MACROD2: variants seen among roughly 807,000 people sequenced by gnomAD.
MACROD2 encodes ADP-ribose glycohydrolase MACROD2.
A neutral mutation model predicts 70.4 loss-of-function variants in MACROD2; 36 were observed. That is an observed-to-expected ratio of 0.51 (90% confidence interval 0.39 to 0.68). The LOEUF is 0.68. MACROD2 is among the 30% of genes least tolerant of loss of function. MACROD2 has a pLI of 0.00. For missense variants in MACROD2, 496 were observed against 538.4 expected (o/e 0.92, Z 0.78); for synonymous variants, 172 against 178.8 (o/e 0.96, Z 0.30).
At chr20:14,980,032 T>C (rs1163848118) in intron 5 of MACROD2, among the ~76,000 whole-genome samples, 1 of 152,210 alleles carries the variant, frequency 6.6e-6, no homozygotes, top group Non-Finnish European at 1.5e-5. Flanking sequence ...ATTGAGTGTT[T>C]ACCATGTTTC....
At chr20:15,715,679 A>G (rs2050697847) in intron 8 of MACROD2, among the ~76,000 whole-genome samples, 1 of 152,198 alleles carries the variant, frequency 6.6e-6, no homozygotes, top group Admixed American at 6.5e-5. Context: ...CCTCTTTATC[A>G]GCACTTCATT....
rs1197058987 is a variant in MACROD2 at position 15,696,761 on chromosome 20, T to C, written c.646-165984T>C. Reference sequence around the variant, plus strand: ...TATTGGTCTATTCAGGGTATCTAATTCTTCATGATTTAAGCTAGGAGGGTT... The same window carrying C: ...TATTGGTCTATTCAGGGTATCTAATCCTTCATGATTTAAGCTAGGAGGGTT... On this transcript the variant is annotated intron_variant, in intron 8 of 17. Transcript: ENST00000684519. Among the ~76,000 whole-genome samples the C allele has an allele frequency of 5.3e-5, 8 of 150,994 alleles. No individual in the cohort carries two copies. In the East Asian group the frequency reaches 1.6e-3, roughly 29 times the overall value.
intron 6 of MACROD2, among the ~76,000 whole-genome samples, chr20:15,264,409 T>A (rs914858617): frequency 6.6e-6 from 1 of 152,138 alleles, no homozygotes; most frequent in Admixed American, 6.6e-5. Context: ...TAGAATAAAC[T>A]TGAGAGTAGA....
chr20:15,912,689 G>A (rs919512258), intron 10 of MACROD2, among the ~76,000 whole-genome samples: 2 of 152,126 alleles, frequency 1.3e-5, no homozygotes, highest in Non-Finnish European at 2.9e-5. Context: ...TTACCAAAAG[G>A]TGCCTTCAGT....
chr20:15,943,393 T>TC (rs2065777925), intron 12 of MACROD2, among the ~76,000 whole-genome samples: 1 of 152,106 alleles, frequency 6.6e-6, no homozygotes, highest in South Asian at 2.1e-4. Flanking sequence ...GTGTTCACCA[T>TC]CCCCCACTAA....
intron 3 of MACROD2, among the ~76,000 whole-genome samples, chr20:14,398,826 A>G (rs2083607119): frequency 6.6e-6 from 1 of 152,084 alleles, no homozygotes; most frequent in African/African-American, 2.4e-5. Context: ...AGTGCTCTCC[A>G]TTCGTTTCCA....
At chr20:14,795,984 G>A (rs2072505146) in intron 5 of MACROD2, among the ~76,000 whole-genome samples, 1 of 152,018 alleles carries the variant, frequency 6.6e-6, no homozygotes, top group South Asian at 2.1e-4. Context: ...ATTAGATTTG[G>A]CCACATGGAG....
intron 3 of MACROD2, among the ~76,000 whole-genome samples, chr20:14,470,144 C>G (rs1351058447): frequency 6.6e-6 from 1 of 151,986 alleles, no homozygotes; most frequent in African/African-American, 2.4e-5. Context: ...GATGTTCATG[C>G]TATTCCTTTC....
chr20:15,420,811 T>A (rs1251255596), intron 6 of MACROD2, among the ~76,000 whole-genome samples: 1 of 152,098 alleles, frequency 6.6e-6, no homozygotes, highest in African/African-American at 2.4e-5. Context: ...TAACGCTGGA[T>A]ATGGGAGTTC....
intron 6 of MACROD2, among the ~76,000 whole-genome samples, chr20:15,319,031 C>A (rs1353243005): frequency 6.6e-6 from 1 of 152,000 alleles, no homozygotes; most frequent in Non-Finnish European, 1.5e-5. Flanking sequence ...TTTCTAATGG[C>A]AGATAACATG....
At chr20:15,333,660 A>G (rs2078017340) in intron 6 of MACROD2, among the ~76,000 whole-genome samples, 2 of 151,564 alleles carry the variant, frequency 1.3e-5, no homozygotes, top group Admixed American at 6.6e-5. Context: ...CAGTTTCCTC[A>G]TATGTACAAT....
chr20:15,754,152 T>C (rs556969325), intron 8 of MACROD2, among the ~76,000 whole-genome samples: 5 of 152,230 alleles, frequency 3.3e-5, no homozygotes, highest in South Asian at 2.1e-4. Flanking sequence ...GTAATAGATA[T>C]TTAAATGTAA....
At position 14,656,872 on chromosome 20, in the gene MACROD2, T is replaced by G. The variant is rs186744261; in HGVS notation, c.302-27971T>G. ...GGGGGAGATTTTCTGTGTGCTGTCTTGGCTTTCTTTGTTTCCTAGGCTATA... is the reference window on the plus strand; with the variant it reads ...GGGGGAGATTTTCTGTGTGCTGTCTGGGCTTTCTTTGTTTCCTAGGCTATA... On this transcript the variant is annotated intron_variant, in intron 4 of 17. Coordinates refer to ENST00000684519, the MANE Select transcript of MACROD2 (RefSeq NM_001351661.2). Among the ~76,000 whole-genome samples, 241 of 152,282 alleles carry G rather than the reference T, an allele frequency of 1.6e-3. 2 individuals are homozygous for G. Among genetic ancestry groups the G allele is most frequent in the Non-Finnish European group, 1.0e-3 (70 of 68,016 alleles).
chr20:15,768,116 G>C (rs1280940240), intron 8 of MACROD2, among the ~76,000 whole-genome samples: 2 of 150,560 alleles, frequency 1.3e-5, no homozygotes, highest in Non-Finnish European at 2.9e-5. Context: ...ATGAGGCTGT[G>C]TGTGTGTTTG....
intron 2 of MACROD2, among the ~76,000 whole-genome samples, chr20:14,017,003 T>G (rs1247899364): frequency 1.3e-5 from 2 of 152,306 alleles, no homozygotes; most frequent in East Asian, 3.9e-4. Flanking sequence ...TACTTACTTA[T>G]GTTTTCTTTA....
At chr20:14,596,636 C>T (rs1982163582) in intron 4 of MACROD2, among the ~76,000 whole-genome samples, 1 of 151,806 alleles carries the variant, frequency 6.6e-6, no homozygotes, top group Non-Finnish European at 1.5e-5. Context: ...TTTACTTATT[C>T]ACTTTTATTG....
intron 5 of MACROD2, among the ~76,000 whole-genome samples, chr20:14,828,310 A>G (rs2072924971): frequency 6.6e-6 from 1 of 152,142 alleles, no homozygotes; most frequent in African/African-American, 2.4e-5. Context: ...CTGTATATAC[A>G]ACTTCTATGA....
At chr20:15,542,263 ATAATGTGGAAATTG>A (rs1310186239) in intron 8 of MACROD2, among the ~76,000 whole-genome samples, 6 of 152,188 alleles carry the variant, frequency 3.9e-5, no homozygotes, top group African/African-American at 1.4e-4. Context: ...CAACTTCTTT[ATAATGTGGAAATTG>A]TAATAACATT....
intron 10 of MACROD2, among the ~76,000 whole-genome samples, chr20:15,900,465 AC>A (rs773254650): frequency 4.6e-5 from 7 of 152,132 alleles, no homozygotes; most frequent in Non-Finnish European, 1.0e-4. Context: ...TAGTAGAAGG[AC>A]CCAGTGGTCT....
Sources: gnomAD v4.1 joint callset for allele counts (sites outside exome capture counted in the v4.1 genomes callset) on GRCh38, gnomAD v4.1.1 for gene constraint, MANE v1.5 for transcripts, NCBI Gene and HGNC (gene_info 2026-07-23, HGNC 2026-07-21) for gene names.